The following BRD1 variants were observed in gnomAD, a reference collection of about 807,000 sequenced individuals.
BRD1 encodes bromodomain-containing protein 1.
BRD1 carries 24 observed loss-of-function variants against 107.7 expected under a neutral mutation model. That is an observed-to-expected ratio of 0.22 (90% CI 0.16 to 0.31). BRD1 has a LOEUF of 0.31. Among genes scored for constraint, BRD1 ranks in the 10% least tolerant of loss-of-function variants. The pLI, the probability that BRD1 is intolerant of heterozygous loss-of-function variation, is 1.00. For synonymous variants in BRD1, 744 were observed against 686.1 expected, an observed-to-expected ratio of 1.08 and a Z score of -1.32; for missense variants, 1,279 against 1,638.6, an observed-to-expected ratio of 0.78 and a Z score of 3.79.
chr22:49,807,068 A>G (rs2059760215), intron 2 of BRD1: 1 of 152,082 alleles, frequency 6.6e-6, no homozygotes, highest in African/African-American at 2.4e-5. Flanking sequence ...CCAGAGTTCC[A>G]ACATCAAGTA....
chr22:49,809,639 A>G (rs1002061493), intron 2 of BRD1, among the ~76,000 whole-genome samples: 1 of 152,294 alleles, frequency 6.6e-6, no homozygotes, highest in South Asian at 2.1e-4. Flanking sequence ...GTGTACATTA[A>G]GGAGCAGAAA....
In BRD1 at chr22:49,794,217, C is replaced by G. The variant is rs1344893168; in HGVS notation, c.2176G>C (p.Asp726His). The G allele has an allele frequency of 6.2e-7, 1 of 1,614,138 alleles. No homozygotes were observed. The highest frequency in any genetic ancestry group is 8.5e-7 in the Non-Finnish European group (1 of 1,180,036). The stretch of plus-strand genomic sequence containing the variant: ...CTGGACTTCATAGCGCAGGTGAGGT[C>G]GAGCATGTCCAGCAGCTCTCTCAGC... ...EQLRELLDMLDLTCAMKSSGS... is the reference protein window; with the variant it reads ...EQLRELLDMLHLTCAMKSSGS... The change falls in exon 7 of 13, where the codon GAC (aspartate) becomes CAC (histidine). Residue 726 changes from aspartate to histidine, a missense_variant. Asp to His is a moderately conservative substitution (Grantham distance 81, BLOSUM62 -1). Transcript: ENST00000404760.
chr22:49,774,517 G>C (rs563721223), intron 12 of BRD1, 101 bp from the exon 13 acceptor site: 1 of 1,318,646 alleles, frequency 7.6e-7, no homozygotes, highest in African/African-American at 1.5e-5. Flanking sequence ...CCGATAGAAA[G>C]GGGCCCTGCT....
At chr22:49,788,664 CG>C (rs1569099153) in intron 7 of BRD1, among the ~76,000 whole-genome samples, 1 of 152,172 alleles carries the variant, frequency 6.6e-6, no homozygotes, top group Non-Finnish European at 1.5e-5. Flanking sequence ...TGCACTGTCC[CG>C]AGTCCAGGGG....
Position 49,824,454 on chromosome 22 carries a change from C to G in BRD1, c.-14-123G>C, listed in dbSNP as rs2060124703. Reference sequence around the variant, plus strand: ...CAAAGCCCAATCAAAGCAAAACTCACAGCTAACCTCTTTCCAAGGTGTCCA... The same window carrying G: ...CAAAGCCCAATCAAAGCAAAACTCAGAGCTAACCTCTTTCCAAGGTGTCCA... On this transcript the variant is annotated intron_variant, in intron 1 of 12. Coordinates refer to ENST00000404760, the MANE Select transcript of BRD1 (RefSeq NM_001304808.3). This position sits in a 1 kb window ranked among gnomAD's most constrained non-coding sequence, Gnocchi z 5.9. The G allele has an allele frequency of 6.8e-6, 10 of 1,461,490 alleles. No homozygotes were observed. Among genetic ancestry groups the G allele is most frequent in the Non-Finnish European group, 9.0e-6 (10 of 1,114,322 alleles). 90.5% of individuals were successfully genotyped at this position (1,461,490 alleles called of 1,614,324 possible).
rs987692782 is a variant in BRD1 at position 49,783,575 on chromosome 22, G to C, written c.2857+3815C>G. On this transcript the variant is annotated intron_variant, in intron 8 of 12. Coordinates refer to ENST00000404760, the MANE Select transcript of BRD1 (RefSeq NM_001304808.3). The surrounding 1 kb of genome is among the most constrained non-coding windows in gnomAD (Gnocchi z 4.2). ...ATGCTCAGGACAGCCTCAGAATGCT[G>C]TCCACTGTGTCGTCAGCTGCAGCAG... Among the ~76,000 whole-genome samples, 2 of 152,214 alleles carry C rather than the reference G, an allele frequency of 1.3e-5. No individual in the cohort carries two copies. The highest frequency in any genetic ancestry group is 1.9e-4 in the East Asian group (1 of 5,202).
rs973362520 is a variant in BRD1, at chr22:49,803,391, C to G, written c.1524+813G>C. 6.6e-6 allele frequency among the ~76,000 whole-genome samples: 1 copy of G among 152,222 alleles called. No homozygotes were observed. Among genetic ancestry groups the G allele is most frequent in the Admixed American group, 6.5e-5 (1 of 15,288 alleles). Reference sequence around the variant, plus strand: ...GAAATTCCAAGAGGCACTCAGGCCACGCGACGCCAGCAGCAGACAGCTCTT... The same window carrying G: ...GAAATTCCAAGAGGCACTCAGGCCAGGCGACGCCAGCAGCAGACAGCTCTT... On this transcript the variant is annotated intron_variant, in intron 3 of 12. Transcript: ENST00000404760. This position sits in a 1 kb window ranked among gnomAD's most constrained non-coding sequence, Gnocchi z 4.4.
intron 3 of BRD1, among the ~76,000 whole-genome samples, chr22:49,799,988 T>C (rs138851): frequency 0.082 from 12,454 of 152,172 alleles, 668 homozygotes; most frequent in South Asian, 0.12. Flanking sequence ...CCCCAACACC[T>C]GTCATCCTCC....
chr22:49,798,749 C>A (rs189635448), intron 4 of BRD1, 63 bp from the exon 5 acceptor site: 26 of 1,482,924 alleles, frequency 1.8e-5, no homozygotes, highest in Middle Eastern at 2.1e-4. Context: ...CCCCACCACG[C>A]GCCCCACAGC....
rs545783761 is a variant in BRD1 at position 49,780,474 on chromosome 22, C to T, written c.2858-2661G>A. 8.5e-5 allele frequency among the ~76,000 whole-genome samples: 13 copies of T among 152,202 alleles called. No individual in the cohort carries two copies. In the East Asian group the frequency reaches 2.1e-3, roughly 25 times the overall value. The stretch of plus-strand genomic sequence containing the variant: ...AGACACCACCCAGCAGGAGGCCTGG[C>T]GGGGGTGGGACAGCTGCAAGGCTTG... On this transcript the variant is annotated intron_variant, in intron 8 of 12. Coordinates refer to ENST00000404760, the MANE Select transcript of BRD1 (RefSeq NM_001304808.3).
chr22:49,779,925 G>A (rs552795439), intron 8 of BRD1, among the ~76,000 whole-genome samples: 1 of 152,318 alleles, frequency 6.6e-6, no homozygotes, highest in South Asian at 2.1e-4. Context: ...CGTCTCCAGA[G>A]AGCAGCCACG....
Position 49,774,417 on chromosome 22 carries a change from C to A in BRD1, c.3387-1G>T. ...CATTTTGGACTTAGGAAGCCACTGC[C>A]TTTTTAAAAGGAAAAACAAGCGGAA... On this transcript the variant is annotated splice_acceptor_variant, in intron 12 of 12. Coordinates refer to ENST00000404760, the MANE Select transcript of BRD1 (RefSeq NM_001304808.3). LOFTEE classifies it high-confidence loss of function. The A allele has an allele frequency of 6.3e-7, 1 of 1,597,014 alleles. No individual in the cohort carries two copies. The highest frequency in any genetic ancestry group is 8.6e-7 in the Non-Finnish European group (1 of 1,168,078).
In BRD1 at chr22:49,824,024, T is replaced by A; in HGVS notation, c.294A>T (p.Lys98Asn). Residue 98 changes from lysine to asparagine, a missense_variant, in exon 2 of 13, where the codon AAA becomes AAT. Physicochemically the swap from Lys to Asn is moderately conservative, Grantham distance 94. Coordinates refer to ENST00000404760, the MANE Select transcript of BRD1 (RefSeq NM_001304808.3). This position sits in a 1 kb window ranked among gnomAD's most constrained non-coding sequence, Gnocchi z 5.9. Reference sequence around the variant, plus strand: ...CGCTGGGGAGGGCCTCGTTTTTCTTTTTGACTCTGTTGTTTTTGTGACGCT... The same window carrying A: ...CGCTGGGGAGGGCCTCGTTTTTCTTATTGACTCTGTTGTTTTTGTGACGCT... ...RTKRHKNNRVKKKNEALPSAH... is the reference protein window; with the variant it reads ...RTKRHKNNRVNKKNEALPSAH... The A allele has an allele frequency of 6.2e-7, 1 of 1,613,858 alleles. No homozygotes were observed. The highest frequency in any genetic ancestry group is 1.3e-5 in the African/African-American group (1 of 75,056).
At chr22:49,825,884 A>G (rs1280185247) in intron 1 of BRD1, 1 of 152,264 alleles carries the variant, frequency 6.6e-6, no homozygotes, top group Non-Finnish European at 1.5e-5. Context: ...TCCTCATTGT[A>G]TGTTGAAACT....
intron 2 of BRD1, among the ~76,000 whole-genome samples, chr22:49,808,995 CG>C (rs2059798967): frequency 6.6e-6 from 1 of 151,814 alleles, no homozygotes. Flanking sequence ...GGCACACGCC[CG>C]TAATCCTAGC....
Position 49,803,627 on chromosome 22 carries a change from TTTG to T in BRD1, c.1524+574_1524+576del, listed in dbSNP as rs2059682187. On this transcript the variant is annotated intron_variant, in intron 3 of 12. Coordinates refer to ENST00000404760, the MANE Select transcript of BRD1 (RefSeq NM_001304808.3). This position sits in a 1 kb window ranked among gnomAD's most constrained non-coding sequence, Gnocchi z 4.4. ...TACTATCAAAATGTAAGAGTTTGGG[TTTG>T]TTCTTTTAAAAAGGAAAAGTCCTGC... 6.6e-6 allele frequency among the ~76,000 whole-genome samples: 1 copy of T among 152,150 alleles called. No homozygotes were observed. The highest frequency in any genetic ancestry group is 1.5e-5 in the Non-Finnish European group (1 of 68,024).
chr22:49,801,187 C>T (rs2059633733), intron 3 of BRD1, among the ~76,000 whole-genome samples: 1 of 152,232 alleles, frequency 6.6e-6, no homozygotes, highest in Non-Finnish European at 1.5e-5. Context: ...GAGCAGGAGA[C>T]AGTGGGACGC....
In BRD1 at chr22:49,778,852, G is replaced by A. The variant is rs1447511715; in HGVS notation, c.2858-1039C>T. Among the ~76,000 whole-genome samples, 5 of 152,126 alleles carry A rather than the reference G, an allele frequency of 3.3e-5. No homozygotes were observed. In the East Asian group the frequency reaches 7.8e-4, roughly 24 times the overall value. Reference sequence around the variant, plus strand: ...AATTTTTTGTATTTTTAGTAGAGACGGAGTTTCACCGTGTTAGCCAGGATG... The same window carrying A: ...AATTTTTTGTATTTTTAGTAGAGACAGAGTTTCACCGTGTTAGCCAGGATG... On this transcript the variant is annotated intron_variant, in intron 8 of 12. Transcript: ENST00000404760.
chr22:49,787,639 C>A lies in BRD1; in HGVS notation c.2608G>T (p.Val870Leu). The A allele has an allele frequency of 6.4e-7, 1 of 1,550,730 alleles. No homozygotes were observed. Among genetic ancestry groups the A allele is most frequent in the Non-Finnish European group, 8.7e-7 (1 of 1,147,010 alleles). ...GDVPAAAASA[V>L]AEPASDVNRR... ...TTTACATCGCTTGCTGGCTCCGCCACCGCGGAGGCCGCCGCCGCCGGCACA... is the reference window on the plus strand; with the variant it reads ...TTTACATCGCTTGCTGGCTCCGCCAACGCGGAGGCCGCCGCCGCCGGCACA... The change falls in exon 8 of 13, where the codon GTG becomes TTG. Residue 870 changes from valine (V) to leucine (L), a missense_variant. By Grantham distance (32) the Val-to-Leu change is conservative. Transcript: ENST00000404760.
Sources: allele counts gnomAD v4.1 joint callset (sites outside exome capture counted in the v4.1 genomes callset), GRCh38; gene constraint gnomAD v4.1.1; non-coding constraint Gnocchi (gnomAD v3.1); transcripts MANE v1.5; gene names NCBI Gene and HGNC (gene_info 2026-07-23, HGNC 2026-07-21).